MYRIP: variants seen among roughly 807,000 people sequenced by gnomAD.
MYRIP encodes rab effector MyRIP.
A neutral mutation model predicts 98.0 loss-of-function variants in MYRIP; 49 were observed. That is an observed-to-expected ratio of 0.50 (90% CI 0.40 to 0.63). The LOEUF (loss-of-function observed/expected upper bound fraction) is 0.63, where lower values mean the gene tolerates loss of function less well. Among genes scored for constraint, MYRIP ranks in the 30% least tolerant of loss-of-function variants. The pLI is 0.00. For synonymous variants in MYRIP, 404 were observed against 409.5 expected (o/e 0.99, Z 0.16); for missense variants, 1,004 against 1,058.2 (o/e 0.95, Z 0.71).
Position 39,906,971 on chromosome 3 carries a change from A to C in MYRIP, c.110+6045A>C, listed in dbSNP as rs559120630. 2.6e-5 allele frequency among the ~76,000 whole-genome samples: 4 copies of C among 152,306 alleles called. No homozygotes were observed. The South Asian group carries it at 8.3e-4, about 32-fold the overall frequency. ...AGTGTGATTAGGGGTGGGAGAGGTT[A>C]AGACTTGTTTCCCTCTGTTGGACCC... On this transcript the variant is annotated intron_variant, in intron 2 of 16. Transcript: ENST00000302541.
intron 2 of MYRIP, among the ~76,000 whole-genome samples, chr3:40,018,195 T>C (rs1438408581): frequency 6.6e-6 from 1 of 152,222 alleles, no homozygotes; most frequent in African/African-American, 2.4e-5. Context: ...GTTTCATCAG[T>C]GCTTTTGTAT....
At chr3:39,894,847 G>C (rs904865962) in intron 1 of MYRIP, among the ~76,000 whole-genome samples, 3 of 152,130 alleles carry the variant, frequency 2.0e-5, no homozygotes, top group Non-Finnish European at 1.5e-5. Context: ...GATTGAAATG[G>C]CTGGCTCAGT....
chr3:40,237,380 T>C (rs909129850), intron 12 of MYRIP, among the ~76,000 whole-genome samples: 4 of 152,208 alleles, frequency 2.6e-5, no homozygotes, highest in African/African-American at 9.6e-5. Flanking sequence ...GCAGCACCCC[T>C]GGTCTCTACC....
chr3:39,954,016 C>T (rs11926682), intron 2 of MYRIP, among the ~76,000 whole-genome samples: 44,738 of 152,032 alleles, frequency 0.29, 6,760 homozygotes, highest in Middle Eastern at 0.38. Context: ...GCTGGGAAGA[C>T]TGAACTGGGT....
At chr3:39,879,488 G>A (rs55986237) in intron 1 of MYRIP, among the ~76,000 whole-genome samples, 21,992 of 151,812 alleles carry the variant, frequency 0.14, 1,608 homozygotes, top group Middle Eastern at 0.19. Flanking sequence ...CTCCTAAAGT[G>A]TATTGAGTTT....
chr3:39,969,275 A>G (rs1945518113), intron 2 of MYRIP, among the ~76,000 whole-genome samples: 1 of 152,126 alleles, frequency 6.6e-6, no homozygotes, highest in Non-Finnish European at 1.5e-5. Flanking sequence ...GCAAACATAT[A>G]GTTTGACCTC....
At chr3:40,216,119 C>T (rs1272630171) in intron 11 of MYRIP, among the ~76,000 whole-genome samples, 1 of 152,180 alleles carries the variant, frequency 6.6e-6, no homozygotes, top group African/African-American at 2.4e-5. Flanking sequence ...GAAAGATTGC[C>T]CAGAACTCCA....
At chr3:39,940,477 T>G (rs1450375984) in intron 2 of MYRIP, among the ~76,000 whole-genome samples, 2 of 152,164 alleles carry the variant, frequency 1.3e-5, no homozygotes, top group Non-Finnish European at 2.9e-5. Flanking sequence ...GGAAGAATTT[T>G]GAATGTTGTA....
At chr3:40,090,316 A>G (rs1190991575) in intron 3 of MYRIP, among the ~76,000 whole-genome samples, 1 of 152,100 alleles carries the variant, frequency 6.6e-6, no homozygotes. Context: ...TGTGAAGGGT[A>G]TGATTGTGTT....
At chr3:40,017,212 G>A (rs1232760250) in intron 2 of MYRIP, among the ~76,000 whole-genome samples, 1 of 152,230 alleles carries the variant, frequency 6.6e-6, no homozygotes, top group Non-Finnish European at 1.5e-5. Flanking sequence ...CAGGAATGAA[G>A]CAAACATTAC....
chr3:40,087,368 C>T (rs1251961400), intron 3 of MYRIP, among the ~76,000 whole-genome samples: 1 of 152,146 alleles, frequency 6.6e-6, no homozygotes, highest in African/African-American at 2.4e-5. Flanking sequence ...TACATGTTAC[C>T]TATTATTATT....
intron 1 of MYRIP, among the ~76,000 whole-genome samples, chr3:39,895,901 C>T (rs557869110): frequency 1.1e-4 from 14 of 133,308 alleles, no homozygotes; most frequent in African/African-American, 3.2e-4. Context: ...GAGAAAAACT[C>T]GTGTGTGTGT....
chr3:39,994,860 C>T (rs1340719488), intron 2 of MYRIP, among the ~76,000 whole-genome samples: 2 of 152,210 alleles, frequency 1.3e-5, no homozygotes, highest in Non-Finnish European at 1.5e-5. Flanking sequence ...AACAATTAGG[C>T]AGCAACATTT....
intron 3 of MYRIP, among the ~76,000 whole-genome samples, chr3:40,105,792 C>T (rs1181947144): frequency 6.6e-6 from 1 of 152,064 alleles, no homozygotes; most frequent in Non-Finnish European, 1.5e-5. Context: ...CAGGAAGGGG[C>T]AAGAACCCCT....
intron 1 of MYRIP, among the ~76,000 whole-genome samples, chr3:39,847,073 A>G (rs990246330): frequency 1.3e-5 from 2 of 152,170 alleles, no homozygotes; most frequent in Non-Finnish European, 2.9e-5. Flanking sequence ...ATCCAAAAAC[A>G]CCCTGCAAGT....
chr3:39,936,638 A>ATGT (rs1242455548), intron 2 of MYRIP, among the ~76,000 whole-genome samples: 2 of 152,186 alleles, frequency 1.3e-5, no homozygotes, highest in Non-Finnish European at 2.9e-5. Context: ...CACAGAAAGA[A>ATGT]TCAGAAGGCA....
At chr3:40,205,187 C>T (rs1951758345) in intron 10 of MYRIP, among the ~76,000 whole-genome samples, 1 of 152,112 alleles carries the variant, frequency 6.6e-6, no homozygotes, top group Admixed American at 6.5e-5. Context: ...TCACAGGCAT[C>T]CTGCAAGGCT....
At chr3:40,196,590 G>A (rs1951400667) in intron 10 of MYRIP, among the ~76,000 whole-genome samples, 2 of 152,166 alleles carry the variant, frequency 1.3e-5, no homozygotes, top group Admixed American at 1.3e-4. Flanking sequence ...CTAATGTTGG[G>A]AATTTGTTGA....
intron 2 of MYRIP, among the ~76,000 whole-genome samples, chr3:39,997,182 T>G (rs1408330211): frequency 6.6e-6 from 1 of 151,460 alleles, no homozygotes; most frequent in Non-Finnish European, 1.5e-5. Context: ...ATAACTAAGA[T>G]CAGAGCAGAA....
Sources: gnomAD v4.1 joint callset for allele counts (sites outside exome capture counted in the v4.1 genomes callset) on GRCh38, gnomAD v4.1.1 for gene constraint, MANE v1.5 for transcripts, NCBI Gene and HGNC (gene_info 2026-07-23, HGNC 2026-07-21) for gene names.